OR10Z1: variants seen among roughly 807,000 people sequenced by gnomAD.
OR10Z1 encodes olfactory receptor family 10 subfamily Z member 1, also known as olfactory receptor 10Z1.
For synonymous variants in OR10Z1, 187 were observed against 151.2 expected, an observed-to-expected ratio of 1.24 and a Z score of -1.74; for missense variants, 468 against 371.0, an observed-to-expected ratio of 1.26 and a Z score of -2.15.
chr1:158,612,237 C>T lies in OR10Z1; in HGVS notation c.*4857C>T, dbSNP rs1649299095. 6.3e-6 allele frequency: 1 copy of T among 158,256 alleles called. No homozygotes were observed. 9.8% of individuals were successfully genotyped at this position (158,256 alleles called of 1,614,324 possible). A position where few individuals can be genotyped will look rare whatever the true frequency, so the allele number is the denominator to read the frequency against. On this transcript the variant is annotated 3_prime_UTR_variant, in exon 2 of 2. Coordinates refer to ENST00000641002, the MANE Select transcript of OR10Z1 (RefSeq NM_001004478.2). ...AAACACTTAGGCTTTCCTTTGATGA[C>T]TTGATGAGTTCCTGCACGTCCTTCA... is the stretch of plus-strand genomic sequence containing the variant.
chr1:158,606,826 C>G lies in OR10Z1; in HGVS notation c.388C>G (p.Leu130Val), dbSNP rs199569335. 1.2e-6 allele frequency: 2 copies of G among 1,614,022 alleles called. No individual in the cohort carries two copies. Among genetic ancestry groups the G allele is most frequent in the Admixed American group, 3.3e-5 (2 of 59,958 alleles). The stretch of plus-strand genomic sequence containing the variant: ...CAGATATGTGGCCATCTGTGCTCCA[C>G]TCCACTATGCCAGCCACATGAATCC... ...FDRYVAICAP[L>V]HYASHMNPTL... is the part of the protein sequence containing the mutation. Residue 130 changes from leucine to valine, a missense_variant, in exon 2 of 2, where the codon CTC becomes GTC. Coordinates refer to ENST00000641002, the MANE Select transcript of OR10Z1 (RefSeq NM_001004478.2).
At position 158,609,406 on chromosome 1, in the gene OR10Z1, G is replaced by A. The variant is rs1387559651; in HGVS notation, c.*2026G>A. 1 of 152,132 alleles carries A rather than the reference G, an allele frequency of 6.6e-6. No homozygotes were observed. Among genetic ancestry groups the A allele is most frequent in the Non-Finnish European group, 1.5e-5 (1 of 68,024 alleles). 9.4% of individuals were successfully genotyped at this position (152,132 alleles called of 1,614,324 possible). Reference sequence around the variant, plus strand: ...TACTCTGAAGTTCTCAATATTGGAAGAAGTAATGCCTCATTGCACTGAGGC... The same window carrying A: ...TACTCTGAAGTTCTCAATATTGGAAAAAGTAATGCCTCATTGCACTGAGGC... On this transcript the variant is annotated 3_prime_UTR_variant, in exon 2 of 2. Transcript: ENST00000641002.
Position 158,608,576 on chromosome 1 carries a change from G to C in OR10Z1, c.*1196G>C, listed in dbSNP as rs1350228337. 1.3e-5 allele frequency: 2 copies of C among 152,130 alleles called. No individual in the cohort carries two copies. The highest frequency in any genetic ancestry group is 2.9e-5 in the Non-Finnish European group (2 of 68,026). The allele number at this position is 152,130 out of a possible 1,614,324, so 9.4% of individuals were successfully genotyped here. A position where few individuals can be genotyped will look rare whatever the true frequency, so the allele number is the denominator to read the frequency against. On this transcript the variant is annotated 3_prime_UTR_variant, in exon 2 of 2. Coordinates refer to ENST00000641002, the MANE Select transcript of OR10Z1 (RefSeq NM_001004478.2). Reference sequence around the variant, plus strand: ...AAATGTGTGAAGGAAAAAGATATTGGCTTTTAGTTTAGGTAGAGTTTACTC... The same window carrying C: ...AAATGTGTGAAGGAAAAAGATATTGCCTTTTAGTTTAGGTAGAGTTTACTC...
At position 158,605,324 on chromosome 1, in the gene OR10Z1, G is replaced by C. The variant is rs1370982885; in HGVS notation, c.-191G>C. ...CTTTCTCCTGTGGTCTATCCTGCTG[G>C]GAGGCAGTCTAGTGCATGGGAGCTA... is the stretch of plus-strand genomic sequence containing the variant. On this transcript the variant is annotated 5_prime_UTR_variant, in exon 1 of 2. Coordinates refer to ENST00000641002, the MANE Select transcript of OR10Z1 (RefSeq NM_001004478.2). 6.5e-6 allele frequency: 1 copy of C among 152,690 alleles called. No homozygotes were observed. Among genetic ancestry groups the C allele is most frequent in the Admixed American group, 6.6e-5 (1 of 15,264 alleles). The allele number at this position is 152,690 out of a possible 1,614,324, so 9.5% of individuals were successfully genotyped here. A position where few individuals can be genotyped will look rare whatever the true frequency, so the allele number is the denominator to read the frequency against.
chr1:158,611,105 T>C lies in OR10Z1; in HGVS notation c.*3725T>C, dbSNP rs1649225811. ...CTTGAGATTTTTTAAGATCCTACAATAAATGTAATATGCACACAAACACAA... is the reference window on the plus strand; with the variant it reads ...CTTGAGATTTTTTAAGATCCTACAACAAATGTAATATGCACACAAACACAA... On this transcript the variant is annotated 3_prime_UTR_variant, in exon 2 of 2. Transcript: ENST00000641002. The C allele has an allele frequency of 1.0e-6, 1 of 956,708 alleles. No homozygotes were observed. Among genetic ancestry groups the C allele is most frequent in the South Asian group, 1.5e-5 (1 of 66,106 alleles). 59.3% of individuals were successfully genotyped at this position (956,708 alleles called of 1,614,324 possible).
rs753598041 is a variant in OR10Z1 at position 158,607,287 on chromosome 1, C to T, written c.849C>T (p.Pro283=). 1.9e-6 allele frequency: 3 copies of T among 1,613,994 alleles called. No homozygotes were observed. The highest frequency in any genetic ancestry group is 1.3e-5 in the African/African-American group (1 of 75,032). ...CCATGACCTATACTGTAGTGACCCC[C>T]CTCCTTAATCCCATTGTTTATAGTC... is the stretch of plus-strand genomic sequence containing the variant. ...LIAMTYTVVT[P]LLNPIVYSLR... is the part of the protein sequence containing the mutation. The change falls in exon 2 of 2, where the codon CCC becomes CCT. Residue 283 remains proline, a synonymous_variant. Coordinates refer to ENST00000641002, the MANE Select transcript of OR10Z1 (RefSeq NM_001004478.2).
In OR10Z1 at chr1:158,611,380, G is replaced by C; in HGVS notation, c.*4000G>C. The C allele has an allele frequency of 1.2e-6, 2 of 1,613,592 alleles. No homozygotes were observed. Among genetic ancestry groups the C allele is most frequent in the Non-Finnish European group, 1.7e-6 (2 of 1,179,666 alleles). On this transcript the variant is annotated 3_prime_UTR_variant, in exon 2 of 2. Transcript: ENST00000641002. Reference sequence around the variant, plus strand: ...GTGGCACAGAATGACACTTGCTCTGGGGTAAGGGCCTGAAAAGTATAAAAA... The same window carrying C: ...GTGGCACAGAATGACACTTGCTCTGCGGTAAGGGCCTGAAAAGTATAAAAA...
intron 1 of OR10Z1, among the ~76,000 whole-genome samples, 196 bp from the exon 2 acceptor site, chr1:158,606,130 A>G (rs1377846239): frequency 6.6e-6 from 1 of 152,234 alleles, no homozygotes; most frequent in African/African-American, 2.4e-5. Flanking sequence ...GCTATAAAGC[A>G]TATATACACC....
chr1:158,611,038 G>T lies in OR10Z1; in HGVS notation c.*3658G>T. The T allele has an allele frequency of 3.6e-6, 2 of 557,148 alleles. No homozygotes were observed. The highest frequency in any genetic ancestry group is 6.4e-6 in the Non-Finnish European group (2 of 313,590). The allele number at this position is 557,148 out of a possible 1,614,324, so 34.5% of individuals were successfully genotyped here. A position where few individuals can be genotyped will look rare whatever the true frequency, so the allele number is the denominator to read the frequency against. ...GCAGTGACTAGTTGCATACAAAATA[G>T]CTTCCACTCCTCCAACTCTATTAAC... On this transcript the variant is annotated 3_prime_UTR_variant, in exon 2 of 2. Coordinates refer to ENST00000641002, the MANE Select transcript of OR10Z1 (RefSeq NM_001004478.2).
Position 158,612,395 on chromosome 1 carries a change from G to A in OR10Z1, c.*5015G>A, listed in dbSNP as rs886226385. 4 of 231,814 alleles carry A rather than the reference G, an allele frequency of 1.7e-5. No individual in the cohort carries two copies. The highest frequency in any genetic ancestry group is 5.2e-5 in the Admixed American group (1 of 19,058). 14.4% of individuals were successfully genotyped at this position (231,814 alleles called of 1,614,324 possible). On this transcript the variant is annotated 3_prime_UTR_variant, in exon 2 of 2. Coordinates refer to ENST00000641002, the MANE Select transcript of OR10Z1 (RefSeq NM_001004478.2). ...TTGTAATAAAATTCCCCACATCTTT[G>A]TTCCCATGACAGATGTGTTTGCTTC...
In OR10Z1 at chr1:158,607,284, C is replaced by T. The variant is rs1401241483; in HGVS notation, c.846C>T (p.Thr282=). The change falls in exon 2 of 2, where the codon ACC becomes ACT. Residue 282 remains threonine (T), a synonymous_variant. Coordinates refer to ENST00000641002, the MANE Select transcript of OR10Z1 (RefSeq NM_001004478.2). ...QLIAMTYTVV[T]PLLNPIVYSL... ...TTGCCATGACCTATACTGTAGTGAC[C>T]CCCCTCCTTAATCCCATTGTTTATA... 5 of 1,613,916 alleles carry T rather than the reference C, an allele frequency of 3.1e-6. No individual in the cohort carries two copies. In the South Asian group the frequency reaches 5.5e-5, roughly 18 times the overall value.
At chr1:158,605,598 A>T (rs1182079938) in intron 1 of OR10Z1, among the ~76,000 whole-genome samples, 197 bp downstream of exon 1, 2 of 152,166 alleles carry the variant, frequency 1.3e-5, no homozygotes, top group African/African-American at 4.8e-5. Flanking sequence ...AAAGGGTAAA[A>T]TGGCTTGGAA....
Position 158,606,430 on chromosome 1 carries a change from C to A in OR10Z1, c.-9C>A. 5 of 1,582,904 alleles carry A rather than the reference C, an allele frequency of 3.2e-6. No homozygotes were observed. Among genetic ancestry groups the A allele is most frequent in the Non-Finnish European group, 4.3e-6 (5 of 1,154,492 alleles). On this transcript the variant is annotated 5_prime_UTR_variant, in exon 2 of 2. Transcript: ENST00000641002. Reference sequence around the variant, plus strand: ...AATCAACAAATCTATCAGGGATATACCTCTCAGAATGGGGCAGACCAACGT... The same window carrying A: ...AATCAACAAATCTATCAGGGATATAACTCTCAGAATGGGGCAGACCAACGT...
rs1279861375 is a variant in OR10Z1 at position 158,607,324 on chromosome 1, G to A, written c.886G>A (p.Ala296Thr). The A allele has an allele frequency of 1.9e-6, 3 of 1,613,750 alleles. No individual in the cohort carries two copies. The highest frequency in any genetic ancestry group is 2.5e-6 in the Non-Finnish European group (3 of 1,179,832). The change falls in exon 2 of 2, where the codon GCT (alanine) becomes ACT (threonine). Residue 296 changes from alanine to threonine, a missense_variant. Coordinates refer to ENST00000641002, the MANE Select transcript of OR10Z1 (RefSeq NM_001004478.2). ...NPIVYSLRNR[A>T]IQTALRNAFR... The stretch of plus-strand genomic sequence containing the variant: ...CATTGTTTATAGTCTAAGGAATAGG[G>A]CTATACAGACAGCTCTGAGGAATGC...
Position 158,606,801 on chromosome 1 carries a change from C to T in OR10Z1, c.363C>T (p.Asp121=), listed in dbSNP as rs759335230. 1.9e-6 allele frequency: 3 copies of T among 1,614,040 alleles called. No individual in the cohort carries two copies. The highest frequency in any genetic ancestry group is 2.5e-6 in the Non-Finnish European group (3 of 1,179,990). Residue 121 remains aspartate (D), a synonymous_variant, in exon 2 of 2, where the codon GAC becomes GAT. Transcript: ENST00000641002. ...TCCTTCTGGCTGCCATGGGCTTTGACAGATATGTGGCCATCTGTGCTCCAC... is the reference window on the plus strand; with the variant it reads ...TCCTTCTGGCTGCCATGGGCTTTGATAGATATGTGGCCATCTGTGCTCCAC... ...NCFLLAAMGF[D]RYVAICAPLH...
chr1:158,606,654 C>A lies in OR10Z1; in HGVS notation c.216C>A (p.Cys72Ter), dbSNP rs1333439578. Residue 72 changes from cysteine (C) to a stop codon, truncating the protein, a stop_gained, in exon 2 of 2, where the codon TGC (cysteine) becomes TGA (stop). Coordinates refer to ENST00000641002, the MANE Select transcript of OR10Z1 (RefSeq NM_001004478.2). LOFTEE classifies it low-confidence loss of function (END_TRUNC). The part of the protein sequence containing the change: ...FLSFLSFSET[C>*]YTLGIIPRML... Reference sequence around the variant, plus strand: ...CCTTCCTATCCTTCTCTGAGACCTGCTACACTTTGGGCATCATCCCTAGAA... The same window carrying A: ...CCTTCCTATCCTTCTCTGAGACCTGATACACTTTGGGCATCATCCCTAGAA... 3 of 1,613,914 alleles carry A rather than the reference C, an allele frequency of 1.9e-6. No homozygotes were observed. The highest frequency in any genetic ancestry group is 1.7e-6 in the Non-Finnish European group (2 of 1,179,936).
rs145863873 is a variant in OR10Z1, at chr1:158,608,223, G to A, written c.*843G>A. The A allele has an allele frequency of 1.3e-5, 2 of 152,058 alleles. No individual in the cohort carries two copies. The highest frequency in any genetic ancestry group is 6.6e-5 in the Admixed American group (1 of 15,252). 9.4% of individuals were successfully genotyped at this position (152,058 alleles called of 1,614,324 possible). A position where few individuals can be genotyped will look rare whatever the true frequency, so the allele number is the denominator to read the frequency against. ...GTCAAAGACCTTTCTCATTTGGGTCGCTTATCAAATTGGATACTGTTCTTT... is the reference window on the plus strand; with the variant it reads ...GTCAAAGACCTTTCTCATTTGGGTCACTTATCAAATTGGATACTGTTCTTT... On this transcript the variant is annotated 3_prime_UTR_variant, in exon 2 of 2. Transcript: ENST00000641002.
rs1007888394 is a variant in OR10Z1 at position 158,611,440 on chromosome 1, G to C, written c.*4060G>C. ...ACAGTTATAGGGATTCAAAATAGCT[G>C]GTTCCTTGGGGCTTCCCATATTACG... On this transcript the variant is annotated 3_prime_UTR_variant, in exon 2 of 2. Coordinates refer to ENST00000641002, the MANE Select transcript of OR10Z1 (RefSeq NM_001004478.2). 1 of 1,607,682 alleles carries C rather than the reference G, an allele frequency of 6.2e-7. No homozygotes were observed. The highest frequency in any genetic ancestry group is 1.7e-5 in the Admixed American group (1 of 59,792).
Position 158,611,404 on chromosome 1 carries a change from A to G in OR10Z1, c.*4024A>G. Reference sequence around the variant, plus strand: ...GGGGTAAGGGCCTGAAAAGTATAAAAAGAGAAAAATACAGTTATAGGGATT... The same window carrying G: ...GGGGTAAGGGCCTGAAAAGTATAAAGAGAGAAAAATACAGTTATAGGGATT... On this transcript the variant is annotated 3_prime_UTR_variant, in exon 2 of 2. Coordinates refer to ENST00000641002, the MANE Select transcript of OR10Z1 (RefSeq NM_001004478.2). 6.2e-7 allele frequency: 1 copy of G among 1,613,146 alleles called. No homozygotes were observed. The highest frequency in any genetic ancestry group is 8.5e-7 in the Non-Finnish European group (1 of 1,179,370).
Sources: gnomAD v4.1 joint callset for allele counts (sites outside exome capture counted in the v4.1 genomes callset) on GRCh38, gnomAD v4.1.1 for gene constraint, MANE v1.5 for transcripts, NCBI Gene and HGNC (gene_info 2026-07-23, HGNC 2026-07-21) for gene names.